Variants in SLC30A8 observed in about 807,000 individuals in gnomAD.
SLC30A8 encodes the protein solute carrier family 30 member 8, also known as proton-coupled zinc antiporter SLC30A8.
Under a neutral mutation model 36.9 loss-of-function variants are expected in SLC30A8, and 27 were observed. The observed-to-expected ratio is 0.73, with a 90% confidence interval of 0.54 to 1.01. The LOEUF (loss-of-function observed/expected upper bound fraction) is 1.01. SLC30A8 is among the 50% of genes least tolerant of loss of function. The probability of loss-of-function intolerance (pLI) is 0.00; values close to 1 mark genes in which losing one functional copy is unlikely to be tolerated. For missense variants in SLC30A8, 439 were observed against 452.0 expected (o/e 0.97, Z 0.26); for synonymous variants, 164 against 172.4 (o/e 0.95, Z 0.38).
chr8:117,042,411 C>T (rs190912331), intron 2 of SLC30A8, among the ~76,000 whole-genome samples: 2 of 152,296 alleles, frequency 1.3e-5, no homozygotes, highest in East Asian at 1.9e-4. Context: ...AATTAAGTGA[C>T]TATCTTGGTA....
chr8:117,079,080 C>T (rs1469861469), intron 2 of SLC30A8, among the ~76,000 whole-genome samples: 12 of 151,948 alleles, frequency 7.9e-5, no homozygotes, highest in Admixed American at 7.2e-4. Context: ...GGCATGATCT[C>T]GGCTTACTGC....
chr8:117,026,891 T>C (rs142728178), intron 1 of SLC30A8, among the ~76,000 whole-genome samples: 1 of 152,262 alleles, frequency 6.6e-6, no homozygotes, highest in Non-Finnish European at 1.5e-5. Flanking sequence ...GTGACTAATC[T>C]GAGGTCACAT....
intron 1 of SLC30A8, among the ~76,000 whole-genome samples, chr8:117,024,420 C>G (rs1816807591): frequency 6.6e-6 from 1 of 152,218 alleles, no homozygotes; most frequent in African/African-American, 2.4e-5. Flanking sequence ...ACAAAGCCTT[C>G]CATGGTCTCT....
chr8:117,008,898 G>A (rs1038803830), intron 1 of SLC30A8, among the ~76,000 whole-genome samples: 1 of 152,052 alleles, frequency 6.6e-6, no homozygotes, highest in Non-Finnish European at 1.5e-5. Context: ...TGTTATGTTA[G>A]GTAGGCCCAC....
At chr8:117,146,427 T>C (rs1821896914) in intron 1 of SLC30A8, among the ~76,000 whole-genome samples, 2 of 152,168 alleles carry the variant, frequency 1.3e-5, no homozygotes. Flanking sequence ...ATCATAACAT[T>C]AATAATTGGT....
intron 2 of SLC30A8, among the ~76,000 whole-genome samples, chr8:117,116,042 C>G (rs1820428240): frequency 6.6e-6 from 1 of 151,902 alleles, no homozygotes; most frequent in Non-Finnish European, 1.5e-5. Flanking sequence ...GAAGAGCTCC[C>G]CTACCAAACT....
At chr8:116,969,873 G>A (rs1046865901) in intron 1 of SLC30A8, among the ~76,000 whole-genome samples, 4 of 152,114 alleles carry the variant, frequency 2.6e-5, no homozygotes, top group Admixed American at 2.0e-4. Flanking sequence ...AGTGGTGAGT[G>A]AATGTGAAGG....
intron 4 of SLC30A8, 64 bp downstream of exon 4, chr8:117,157,908 T>C (rs891246222): frequency 4.5e-6 from 7 of 1,571,586 alleles, no homozygotes; most frequent in Non-Finnish European, 2.6e-6. Flanking sequence ...CTGGACAAAG[T>C]CGACCTTTTA....
intron 2 of SLC30A8, among the ~76,000 whole-genome samples, chr8:117,082,628 A>C (rs1015225164): frequency 1.3e-5 from 2 of 152,196 alleles, no homozygotes; most frequent in Admixed American, 6.5e-5. Context: ...AGTGAATGTC[A>C]TGTGATAGGA....
At chr8:117,002,441 GT>G (rs2130687984) in intron 1 of SLC30A8, among the ~76,000 whole-genome samples, 1 of 152,108 alleles carries the variant, frequency 6.6e-6, no homozygotes, top group South Asian at 2.1e-4. Flanking sequence ...TCTAACATTG[GT>G]TATTCCAAAT....
At chr8:117,115,389 T>C (rs1204522248) in intron 2 of SLC30A8, among the ~76,000 whole-genome samples, 1 of 152,114 alleles carries the variant, frequency 6.6e-6, no homozygotes. Flanking sequence ...AATCTTCTAA[T>C]TTTCTTTGTT....
At chr8:117,019,995 A>G (rs1816649822) in intron 1 of SLC30A8, among the ~76,000 whole-genome samples, 1 of 152,180 alleles carries the variant, frequency 6.6e-6, no homozygotes, top group African/African-American at 2.4e-5. Context: ...TTAAGTACTT[A>G]AGAGTAGCCA....
chr8:116,960,402 A>G lies in SLC30A8; in HGVS notation c.-266+9283A>G, dbSNP rs1004528222. On this transcript the variant is annotated intron_variant, in intron 1 of 10. Coordinates refer to the SLC30A8 transcript ENST00000427715. ...TTGTTTGCTTAAACTGATGTTAATC[A>G]TGAAATTTTTAATCTAAGAAAAGAT... Among the ~76,000 whole-genome samples, 4 of 152,370 alleles carry G rather than the reference A, an allele frequency of 2.6e-5. No individual in the cohort carries two copies. The South Asian group carries it at 6.2e-4, about 24-fold the overall frequency.
intron 1 of SLC30A8, among the ~76,000 whole-genome samples, chr8:116,985,254 T>C (rs1815401346): frequency 6.6e-6 from 1 of 150,794 alleles, no homozygotes. Flanking sequence ...TTTCTAGAAT[T>C]TCTCTAAGTA....
rs78496178 is a variant in SLC30A8 at position 116,960,529 on chromosome 8, C to T, written c.-266+9410C>T. Among the ~76,000 whole-genome samples the T allele has an allele frequency of 8.7e-3, 1,327 of 152,288 alleles. 23 individuals are homozygous for T. Among genetic ancestry groups the T allele is most frequent in the East Asian group, 0.034 (174 of 5,194 alleles). On this transcript the variant is annotated intron_variant, in intron 1 of 10. Transcript: ENST00000427715. ...TACAAAGGGAAATACCGTAAGTATT[C>T]GTAATCAGAGACATGATCTCATCAC...
At chr8:117,095,210 G>A (rs1819304978) in intron 2 of SLC30A8, among the ~76,000 whole-genome samples, 1 of 152,208 alleles carries the variant, frequency 6.6e-6, no homozygotes. Flanking sequence ...CTCTCCGACT[G>A]TAGCCAGTGT....
intron 1 of SLC30A8, among the ~76,000 whole-genome samples, chr8:117,138,777 C>T (rs1211719985): frequency 1.3e-5 from 2 of 151,904 alleles, no homozygotes; most frequent in African/African-American, 4.8e-5. Context: ...TTCAGTGCTC[C>T]ACTTGTGGAG....
intron 1 of SLC30A8, among the ~76,000 whole-genome samples, chr8:116,955,030 G>A (rs1404198531): frequency 6.6e-6 from 1 of 152,184 alleles, no homozygotes; most frequent in African/African-American, 2.4e-5. Context: ...ATTCTTGATG[G>A]CTTCCGTTGT....
rs769624085 is a variant in SLC30A8 at position 117,155,785 on chromosome 8, G to A, written c.419-1906G>A. Among the ~76,000 whole-genome samples, 11 of 152,166 alleles carry A rather than the reference G, an allele frequency of 7.2e-5. No individual in the cohort carries two copies. In the South Asian group the frequency reaches 1.2e-3, roughly 17 times the overall value. On this transcript the variant is annotated intron_variant, in intron 3 of 7. Transcript: ENST00000456015. ...TTGGTTCCTTCTGAGGTCTGTGAGG[G>A]GAAGTCAGTTCCAGGCCTCTCTCTT...
Sources: gnomAD v4.1 joint callset for allele counts (sites outside exome capture counted in the v4.1 genomes callset) on GRCh38, gnomAD v4.1.1 for gene constraint, MANE v1.5 for transcripts, NCBI Gene and HGNC (gene_info 2026-07-23, HGNC 2026-07-21) for gene names.